The following PCSK6 variants were observed in gnomAD, a reference collection of about 807,000 sequenced individuals.
The protein encoded by PCSK6 is proprotein convertase subtilisin/kexin type 6.
In PCSK6, 85 loss-of-function variants were observed where a neutral mutation model predicts 123.3. The ratio of observed to expected loss-of-function variants is 0.69; its 90% confidence interval spans 0.58 to 0.83. The LOEUF (loss-of-function observed/expected upper bound fraction) is 0.83. Ranked by LOEUF, PCSK6 falls within the 40% of genes least tolerant of loss-of-function variation. PCSK6 has a pLI of 0.00. For synonymous variants in PCSK6, 508 were observed against 516.0 expected (o/e 0.98, Z 0.21); for missense variants, 1,191 against 1,282.3 (o/e 0.93, Z 1.09).
chr15:101,451,375 C>T (rs1238415205), intron 1 of PCSK6, among the ~76,000 whole-genome samples: 4 of 152,072 alleles, frequency 2.6e-5, no homozygotes, highest in Non-Finnish European at 5.9e-5. Flanking sequence ...GAGCAGGCTG[C>T]GTTGTTGGTG....
intron 6 of PCSK6, among the ~76,000 whole-genome samples, chr15:101,423,699 C>T (rs956613590): frequency 2.0e-5 from 3 of 151,758 alleles, no homozygotes; most frequent in Non-Finnish European, 4.4e-5. Context: ...ACCTGTGAGG[C>T]GTATTAAGCA....
chr15:101,417,585 T>C (rs1033106796), intron 6 of PCSK6, among the ~76,000 whole-genome samples: 6 of 152,176 alleles, frequency 3.9e-5, no homozygotes, highest in Admixed American at 3.9e-4. Context: ...TATTCAGAAA[T>C]ATATAGCAAG....
At chr15:101,454,653 G>A (rs1228302124) in intron 1 of PCSK6, among the ~76,000 whole-genome samples, 1 of 152,124 alleles carries the variant, frequency 6.6e-6, no homozygotes, top group Non-Finnish European at 1.5e-5. Flanking sequence ...AGGGTACAGA[G>A]TTTCAGGCCA....
At chr15:101,477,856 C>T (rs1174831249) in intron 1 of PCSK6, among the ~76,000 whole-genome samples, 1 of 152,228 alleles carries the variant, frequency 6.6e-6, no homozygotes, top group Non-Finnish European at 1.5e-5. Context: ...GGTTCCCTGA[C>T]CTTCAGACTC....
At position 101,377,442 on chromosome 15, in the gene PCSK6, C is replaced by T. The variant is rs375195812; in HGVS notation, c.1532+4650G>A. Among the ~76,000 whole-genome samples the T allele has an allele frequency of 5.9e-5, 9 of 152,338 alleles. No individual in the cohort carries two copies. The East Asian group carries it at 7.7e-4, about 13-fold the overall frequency. The stretch of plus-strand genomic sequence containing the variant: ...GGGAGCAGCTCAGCCCCACAGCACC[C>T]CACCTCTGGGCCTAAGTTCCTAACT... On this transcript the variant is annotated intron_variant, in intron 11 of 21. Transcript: ENST00000611716.
At chr15:101,367,024 A>G (rs887681096) in intron 12 of PCSK6, among the ~76,000 whole-genome samples, 3 of 152,070 alleles carry the variant, frequency 2.0e-5, no homozygotes, top group African/African-American at 7.2e-5. Flanking sequence ...TTTCAGTGGG[A>G]ATGGGAGGGG....
chr15:101,377,511 T>C (rs1450802120), intron 11 of PCSK6, among the ~76,000 whole-genome samples: 19 of 152,218 alleles, frequency 1.2e-4, no homozygotes, highest in Non-Finnish European at 1.0e-4. Flanking sequence ...AGGATAAAGA[T>C]AGAACTCCAA....
chr15:101,345,647 C>T (rs1020440616), intron 13 of PCSK6, among the ~76,000 whole-genome samples: 4 of 152,186 alleles, frequency 2.6e-5, no homozygotes, highest in African/African-American at 4.8e-5. Flanking sequence ...TGAGCGCTCT[C>T]GCGAAAGACA....
At chr15:101,412,662 C>A (rs952441489) in intron 6 of PCSK6, among the ~76,000 whole-genome samples, 9 of 139,656 alleles carry the variant, frequency 6.4e-5, no homozygotes, top group Non-Finnish European at 1.2e-4. Context: ...ATAGAACCCA[C>A]AGGACAGAAG....
chr15:101,469,195 CCTG>C (rs2057541320), intron 1 of PCSK6, among the ~76,000 whole-genome samples: 1 of 152,138 alleles, frequency 6.6e-6, no homozygotes, highest in Non-Finnish European at 1.5e-5. Flanking sequence ...CCTTACAACT[CCTG>C]CTCATTTAAT....
intron 6 of PCSK6, among the ~76,000 whole-genome samples, chr15:101,405,861 G>A (rs145943972): frequency 6.6e-6 from 1 of 152,132 alleles, no homozygotes; most frequent in East Asian, 1.9e-4. Flanking sequence ...TCCTGCCTCA[G>A]CCACTGGAGT....
chr15:101,370,284 G>C (rs2041536140), intron 12 of PCSK6, 51 bp downstream of exon 12: 3 of 1,413,968 alleles, frequency 2.1e-6, no homozygotes, highest in Non-Finnish European at 2.8e-6. Context: ...CTCTTGTGCA[G>C]GGTCAATCTC....
At chr15:101,366,157 G>A (rs766299783) in intron 13 of PCSK6, 39 bp downstream of exon 13, 1 of 1,582,686 alleles carries the variant, frequency 6.3e-7, no homozygotes, top group South Asian at 1.1e-5. Context: ...AGAGGCTTGA[G>A]ATACAAAAGC....
At chr15:101,446,603 T>C (rs766463671) in intron 1 of PCSK6, among the ~76,000 whole-genome samples, 22 of 152,204 alleles carry the variant, frequency 1.4e-4, no homozygotes, top group Non-Finnish European at 2.4e-4. Context: ...AGCTGAGTGG[T>C]TGCAACAGAG....
intron 13 of PCSK6, among the ~76,000 whole-genome samples, chr15:101,362,485 G>A (rs2041260439): frequency 6.6e-6 from 1 of 152,162 alleles, no homozygotes; most frequent in Non-Finnish European, 1.5e-5. Context: ...AAGAGCAGAG[G>A]ACCCAGGAGT....
rs766865400 is a variant in PCSK6 at position 101,393,365 on chromosome 15, C to T, written c.1056G>A (p.Gly352=). The T allele has an allele frequency of 6.2e-7, 1 of 1,606,128 alleles. No homozygotes were observed. Among genetic ancestry groups the T allele is most frequent in the Non-Finnish European group, 8.5e-7 (1 of 1,176,338 alleles). Reference sequence around the variant, plus strand: ...TGTAGCCATCGCACGAGCAGTAGTCCCCCTCTCTCCCGCCATTCCCAGATG... The same window carrying T: ...TGTAGCCATCGCACGAGCAGTAGTCTCCCTCTCTCCCGCCATTCCCAGATG... ...VWASGNGGRE[G]DYCSCDGYTN... is the part of the protein sequence containing the mutation. The change falls in exon 8 of 22, where the codon GGG becomes GGA. Residue 352 remains glycine, a synonymous_variant. Coordinates refer to ENST00000611716, the MANE Select transcript of PCSK6 (RefSeq NM_002570.5).
intron 7 of PCSK6, 57 bp from the exon 8 acceptor site, chr15:101,393,481 C>G: frequency 7.1e-7 from 1 of 1,406,142 alleles, no homozygotes. Context: ...TAGGGTGGGT[C>G]TCCCCCCGAA....
At chr15:101,342,741 A>T (rs886304427) in intron 13 of PCSK6, among the ~76,000 whole-genome samples, 14 of 152,242 alleles carry the variant, frequency 9.2e-5, no homozygotes, top group Non-Finnish European at 1.5e-4. Flanking sequence ...GTCTCTGCTA[A>T]AAGTACACAA....
intron 1 of PCSK6, among the ~76,000 whole-genome samples, chr15:101,464,906 T>C (rs1596363857): frequency 1.3e-5 from 2 of 152,060 alleles, no homozygotes; most frequent in East Asian, 3.9e-4. Context: ...TCCTGGGTAG[T>C]AGGGGCCAGC....
Sources: allele counts gnomAD v4.1 joint callset (sites outside exome capture counted in the v4.1 genomes callset), GRCh38; gene constraint gnomAD v4.1.1; transcripts MANE v1.5; gene names NCBI Gene and HGNC (gene_info 2026-07-23, HGNC 2026-07-21).